CHCHD6: variants seen among roughly 807,000 people sequenced by gnomAD.
CHCHD6 encodes MICOS complex subunit MIC25.
In CHCHD6, 28 loss-of-function variants were observed where a neutral mutation model predicts 32.3. The ratio of observed to expected loss-of-function variants is 0.87; its 90% CI spans 0.64 to 1.19. The LOEUF (loss-of-function observed/expected upper bound fraction) is 1.19, where lower values mean the gene tolerates loss of function less well. Ranked by LOEUF, CHCHD6 falls within the 50% of genes most tolerant of loss-of-function variation. The pLI, the probability that CHCHD6 is intolerant of heterozygous loss-of-function variation, is 0.00. For missense variants in CHCHD6, 333 were observed against 307.0 expected (o/e 1.08, Z -0.63); for synonymous variants, 122 against 117.5 (o/e 1.04, Z -0.25).
intron 5 of CHCHD6, among the ~76,000 whole-genome samples, chr3:126,906,857 C>T (rs1384818415): frequency 1.3e-5 from 2 of 152,192 alleles, no homozygotes; most frequent in Non-Finnish European, 2.9e-5. Context: ...GTTTTTCTCC[C>T]TGGACCAATG....
At chr3:126,732,272 A>G (rs909968298) in intron 3 of CHCHD6, among the ~76,000 whole-genome samples, 4 of 152,110 alleles carry the variant, frequency 2.6e-5, no homozygotes, top group Admixed American at 6.5e-5. Flanking sequence ...GGAGTATTTC[A>G]TGTTCTTCTC....
intron 4 of CHCHD6, among the ~76,000 whole-genome samples, chr3:126,804,059 A>T (rs1235523027): frequency 6.6e-6 from 1 of 152,178 alleles, no homozygotes; most frequent in Non-Finnish European, 1.5e-5. Flanking sequence ...GACACATTCA[A>T]AGCAGTGTGT....
At chr3:126,756,100 A>T (rs193291785) in intron 4 of CHCHD6, among the ~76,000 whole-genome samples, 18 of 152,128 alleles carry the variant, frequency 1.2e-4, no homozygotes, top group Admixed American at 1.1e-3. Context: ...GGTGCTAGAG[A>T]GCCTGATGGA....
At chr3:126,918,037 T>C (rs1467522039) in intron 6 of CHCHD6, among the ~76,000 whole-genome samples, 3 of 152,246 alleles carry the variant, frequency 2.0e-5, no homozygotes, top group Non-Finnish European at 4.4e-5. Flanking sequence ...GTCACTTTTT[T>C]ACAGCACCTA....
intron 5 of CHCHD6, among the ~76,000 whole-genome samples, chr3:126,863,344 T>A (rs1378583315): frequency 3.8e-4 from 27 of 70,618 alleles, no homozygotes; most frequent in South Asian, 5.9e-4. Context: ...CTCCATCACC[T>A]CCTCCTCCTC....
intron 6 of CHCHD6, among the ~76,000 whole-genome samples, chr3:126,934,536 C>CCTTTTTTT (rs1491268081): frequency 1.7e-5 from 1 of 58,244 alleles, no homozygotes; most frequent in African/African-American, 7.1e-5. Flanking sequence ...CCCCTCTCTG[C>CCTTTTTTT]TTTTTTTTTT....
At chr3:126,868,228 C>T (rs902781655) in intron 5 of CHCHD6, among the ~76,000 whole-genome samples, 1 of 152,230 alleles carries the variant, frequency 6.6e-6, no homozygotes, top group Non-Finnish European at 1.5e-5. Flanking sequence ...AGCAGCTCTG[C>T]AGTCAGGACA....
intron 6 of CHCHD6, among the ~76,000 whole-genome samples, chr3:126,939,619 AGT>A (rs535680631): frequency 4.6e-5 from 7 of 152,234 alleles, no homozygotes; most frequent in Non-Finnish European, 1.0e-4. Flanking sequence ...GACTTGTGAC[AGT>A]GTGGAAAACA....
intron 4 of CHCHD6, among the ~76,000 whole-genome samples, chr3:126,779,674 C>T (rs919632977): frequency 2.0e-5 from 3 of 151,940 alleles, no homozygotes; most frequent in African/African-American, 7.3e-5. Context: ...TCTGGATATC[C>T]AGTTGTCCCA....
At chr3:126,819,715 G>C (rs1329099015) in intron 4 of CHCHD6, among the ~76,000 whole-genome samples, 1 of 152,214 alleles carries the variant, frequency 6.6e-6, no homozygotes, top group African/African-American at 2.4e-5. Flanking sequence ...TGGACGTCTG[G>C]CTGCATGTCA....
At chr3:126,773,112 A>G (rs553613354) in intron 4 of CHCHD6, among the ~76,000 whole-genome samples, 1 of 152,010 alleles carries the variant, frequency 6.6e-6, no homozygotes, top group South Asian at 2.1e-4. Flanking sequence ...TGCTAGCCTG[A>G]TGGGGTTCCC....
intron 4 of CHCHD6, among the ~76,000 whole-genome samples, chr3:126,835,023 G>A (rs1312503466): frequency 1.3e-5 from 2 of 152,170 alleles, no homozygotes; most frequent in Non-Finnish European, 1.5e-5. Flanking sequence ...AAGGAAAAGT[G>A]TTTTTCCAGT....
chr3:126,714,387 G>A (rs1934909836), intron 1 of CHCHD6, among the ~76,000 whole-genome samples: 1 of 152,140 alleles, frequency 6.6e-6, no homozygotes, highest in African/African-American at 2.4e-5. Flanking sequence ...GGCTCTTCTT[G>A]TTCTGCCTTT....
intron 4 of CHCHD6, among the ~76,000 whole-genome samples, chr3:126,782,928 G>GT (rs1938017422): frequency 1.3e-5 from 2 of 152,094 alleles, no homozygotes; most frequent in Non-Finnish European, 2.9e-5. Context: ...GTAAGGTAGG[G>GT]GTTCAGTATC....
At chr3:126,752,941 G>T (rs1279662987) in intron 4 of CHCHD6, among the ~76,000 whole-genome samples, 1 of 152,104 alleles carries the variant, frequency 6.6e-6, no homozygotes, top group Non-Finnish European at 1.5e-5. Flanking sequence ...CCTAGACCTC[G>T]TAAGTCACAT....
At chr3:126,758,157 T>C (rs1937030533) in intron 4 of CHCHD6, among the ~76,000 whole-genome samples, 1 of 152,208 alleles carries the variant, frequency 6.6e-6, no homozygotes, top group African/African-American at 2.4e-5. Flanking sequence ...TTTGAAATCT[T>C]GATTAAAAGG....
chr3:126,723,177 A>G (rs1376505103), intron 1 of CHCHD6, among the ~76,000 whole-genome samples: 1 of 152,098 alleles, frequency 6.6e-6, no homozygotes, highest in East Asian at 1.9e-4. Context: ...TTCTCTTGTC[A>G]TATGTCATTA....
intron 4 of CHCHD6, among the ~76,000 whole-genome samples, chr3:126,848,092 G>C (rs1941354181): frequency 6.6e-6 from 1 of 152,110 alleles, no homozygotes; most frequent in South Asian, 2.1e-4. Flanking sequence ...AAATCCTCCT[G>C]CCTCAGCCTC....
intron 5 of CHCHD6, among the ~76,000 whole-genome samples, chr3:126,898,346 T>C (rs1220835706): frequency 6.6e-6 from 1 of 152,224 alleles, no homozygotes; most frequent in African/African-American, 2.4e-5. Flanking sequence ...GGTTACTTAT[T>C]TCCTGAGTAA....
Sources: gnomAD v4.1 joint callset for allele counts (sites outside exome capture counted in the v4.1 genomes callset) on GRCh38, gnomAD v4.1.1 for gene constraint, MANE v1.5 for transcripts, NCBI Gene and HGNC (gene_info 2026-07-23, HGNC 2026-07-21) for gene names.